Variants in RBFOX1 observed in about 807,000 individuals in gnomAD.
The protein encoded by RBFOX1 is RNA binding protein fox-1 homolog 1.
In RBFOX1, 8 loss-of-function variants were observed where a neutral mutation model predicts 57.7. The ratio of observed to expected loss-of-function variants is 0.14; its 90% CI spans 0.08 to 0.25. RBFOX1 has a LOEUF of 0.25. Ranked by LOEUF, RBFOX1 falls within the 10% of genes least tolerant of loss-of-function variation. The pLI is 1.00. For missense variants in RBFOX1, 611 were observed against 548.5 expected, an observed-to-expected ratio of 1.11 and a Z score of -1.14; for synonymous variants, 326 against 222.4, an observed-to-expected ratio of 1.47 and a Z score of -4.15.
At chr16:7,573,522 T>A (rs1312397684) in intron 5 of RBFOX1, among the ~76,000 whole-genome samples, 1 of 152,126 alleles carries the variant, frequency 6.6e-6, no homozygotes, top group Non-Finnish European at 1.5e-5. Flanking sequence ...TTCAGGTAGG[T>A]CTCACTTTAG....
chr16:5,743,118 T>C (rs1337761218), intron 3 of RBFOX1, among the ~76,000 whole-genome samples: 2 of 152,218 alleles, frequency 1.3e-5, no homozygotes, highest in Non-Finnish European at 2.9e-5. Context: ...CGGTGAGTAT[T>C]CTGTATTGTG....
chr16:6,070,450 G>A (rs890560668), intron 1 of RBFOX1, among the ~76,000 whole-genome samples: 3 of 152,122 alleles, frequency 2.0e-5, no homozygotes, highest in Non-Finnish European at 4.4e-5. Context: ...ATAAAGATAA[G>A]CATAGCCCAA....
intron 3 of RBFOX1, among the ~76,000 whole-genome samples, chr16:5,627,759 C>T (rs1404522752): frequency 1.3e-5 from 2 of 152,104 alleles, no homozygotes; most frequent in African/African-American, 2.4e-5. Context: ...ATAGCATTTA[C>T]ATTGTATTGA....
intron 2 of RBFOX1, among the ~76,000 whole-genome samples, chr16:6,480,052 A>G (rs915457885): frequency 6.9e-6 from 1 of 144,022 alleles, no homozygotes; most frequent in Non-Finnish European, 1.6e-5. Flanking sequence ...TCCACCTCGA[A>G]AAAAAAAAAA....
At chr16:6,822,918 T>A (rs1039843976) in intron 3 of RBFOX1, among the ~76,000 whole-genome samples, 1 of 152,232 alleles carries the variant, frequency 6.6e-6, no homozygotes, top group Non-Finnish European at 1.5e-5. Flanking sequence ...TGCGTGCTGC[T>A]GCAGCAGAGG....
intron 4 of RBFOX1, among the ~76,000 whole-genome samples, chr16:7,355,760 T>C (rs2097204027): frequency 6.6e-6 from 1 of 152,208 alleles, no homozygotes; most frequent in East Asian, 1.9e-4. Context: ...GACCAGTTTC[T>C]TGCATCTGTG....
chr16:7,088,549 T>C (rs1005005796), intron 4 of RBFOX1, among the ~76,000 whole-genome samples: 5 of 151,590 alleles, frequency 3.3e-5, no homozygotes, highest in African/African-American at 1.2e-4. Flanking sequence ...TTGTTGTTTT[T>C]TTTTCTGGAG....
chr16:5,394,581 T>TG (rs2066498725), intron 1 of RBFOX1, among the ~76,000 whole-genome samples: 1 of 134,248 alleles, frequency 7.4e-6, no homozygotes, highest in African/African-American at 3.1e-5. Context: ...TTTTTTTTTT[T>TG]GACAGGATCT....
At chr16:7,710,579 A>T (rs757694861) in intron 15 of RBFOX1, 44 bp from the exon 16 acceptor site, 1 of 1,607,752 alleles carries the variant, frequency 6.2e-7, no homozygotes, top group Non-Finnish European at 8.5e-7. Context: ...CATGTTGCAA[A>T]AGGAAAATGT....
intron 3 of RBFOX1, among the ~76,000 whole-genome samples, chr16:6,738,768 G>C (rs986312103): frequency 1.3e-5 from 2 of 152,102 alleles, no homozygotes; most frequent in African/African-American, 4.8e-5. Context: ...TGTAAAGACA[G>C]TGAAATCTTG....
intron 1 of RBFOX1, among the ~76,000 whole-genome samples, chr16:6,020,911 T>C (rs1279575010): frequency 6.6e-6 from 1 of 152,144 alleles, no homozygotes; most frequent in Non-Finnish European, 1.5e-5. Flanking sequence ...CGATCTAACC[T>C]TGTCCTGGAG....
At chr16:6,010,015 G>T (rs181816486) in intron 4 of RBFOX1, among the ~76,000 whole-genome samples, 1 of 152,136 alleles carries the variant, frequency 6.6e-6, no homozygotes, top group Non-Finnish European at 1.5e-5. Flanking sequence ...TGGATGAGGA[G>T]AGATACTGGG....
chr16:7,021,292 TTCTC>T (rs1027890601), intron 3 of RBFOX1, among the ~76,000 whole-genome samples: 1 of 148,102 alleles, frequency 6.8e-6, no homozygotes, highest in Non-Finnish European at 1.5e-5. Context: ...TCATTTTATT[TTCTC>T]TCTCTCTCTA....
intron 14 of RBFOX1, chr16:7,693,277 T>C: frequency 1.9e-6 from 3 of 1,592,582 alleles, no homozygotes; most frequent in Non-Finnish European, 2.6e-6. Context: ...CATTTCCCCC[T>C]GAGCGAGCAG....
At position 5,723,404 on chromosome 16, in the gene RBFOX1, A is replaced by G. The variant is rs78394287; in HGVS notation, c.318+124443A>G. 5.8e-3 allele frequency among the ~76,000 whole-genome samples: 411 copies of G among 71,030 alleles called. 3 individuals are homozygous for G. Among genetic ancestry groups the G allele is most frequent in the East Asian group, 0.028 (7 of 254 alleles). 46.6% of individuals were successfully genotyped at this position (71,030 alleles called of 152,430 possible). On this transcript the variant is annotated intron_variant, in intron 3 of 19. Coordinates refer to the RBFOX1 transcript ENST00000641259. ...TGTGGATTAAACAGTGGCTATCTCAAGCTTGGGCTGGATGGTGTCTGAGGT... is the reference window on the plus strand; with the variant it reads ...TGTGGATTAAACAGTGGCTATCTCAGGCTTGGGCTGGATGGTGTCTGAGGT...
intron 4 of RBFOX1, among the ~76,000 whole-genome samples, chr16:7,217,110 T>C (rs902879776): frequency 6.9e-6 from 1 of 144,164 alleles, no homozygotes; most frequent in African/African-American, 2.6e-5. Context: ...CCCTTCCCTT[T>C]CCTTTCCTTT....
chr16:6,836,463 G>A (rs1300501913), intron 3 of RBFOX1, among the ~76,000 whole-genome samples: 1 of 152,298 alleles, frequency 6.6e-6, no homozygotes, highest in East Asian at 1.9e-4. Flanking sequence ...GCTTAGCTCT[G>A]TGCAGAGGTA....
intron 4 of RBFOX1, among the ~76,000 whole-genome samples, chr16:7,305,712 G>T (rs1229304080): frequency 6.6e-6 from 1 of 152,148 alleles, no homozygotes; most frequent in Non-Finnish European, 1.5e-5. Context: ...CAAGTTGGTT[G>T]ACTCCAGAAA....
chr16:6,991,701 T>G (rs773143534), intron 3 of RBFOX1, among the ~76,000 whole-genome samples: 4 of 152,108 alleles, frequency 2.6e-5, no homozygotes, highest in Non-Finnish European at 5.9e-5. Context: ...CATTCCTGCC[T>G]GACTTTTGTA....
Sources: gnomAD v4.1 joint callset for allele counts (sites outside exome capture counted in the v4.1 genomes callset) on GRCh38, gnomAD v4.1.1 for gene constraint, MANE v1.5 for transcripts, NCBI Gene and HGNC (gene_info 2026-07-23, HGNC 2026-07-21) for gene names.